CHMP1A: variants seen among roughly 807,000 people sequenced by gnomAD.
CHMP1A encodes the protein VPS46 homolog A.
CHMP1A carries 17 observed loss-of-function variants against 27.0 expected under a neutral mutation model. That is an observed-to-expected ratio of 0.63 (90% CI 0.43 to 0.95). CHMP1A has a LOEUF of 0.95. Among genes scored for constraint, CHMP1A ranks in the 40% least tolerant of loss-of-function variants. The pLI is 0.00. For synonymous variants in CHMP1A, 131 were observed against 107.5 expected (o/e 1.22, Z -1.35); for missense variants, 275 against 264.0 (o/e 1.04, Z -0.29).
Position 89,653,910 on chromosome 16 carries a change from C to G in CHMP1A, c.21G>C (p.Gln7His), listed in dbSNP as rs1457918312. 6.2e-7 allele frequency: 1 copy of G among 1,613,704 alleles called. No individual in the cohort carries two copies. ...ACGGCCATTCGGTACATACCTTCAA[C>G]TGGAACAGGGTATCTGCAAAGAAAG... MDDTLF[Q>H]LKFTAKQLEK... is the part of the protein sequence containing the mutation. Residue 7 changes from glutamine to histidine, a missense_variant, in exon 2 of 7, where the codon CAG becomes CAC. By Grantham distance (24) the Gln-to-His change is conservative. Coordinates refer to ENST00000397901, the MANE Select transcript of CHMP1A (RefSeq NM_002768.5).
intron 3 of CHMP1A, chr16:89,649,710 G>T (rs535902055): frequency 5.8e-5 from 31 of 537,560 alleles, no homozygotes; most frequent in Non-Finnish European, 9.0e-5. Flanking sequence ...CGAGTAGTTG[G>T]GACTACAGGC....
At chr16:89,656,885 G>A (rs1222340419) in intron 1 of CHMP1A, among the ~76,000 whole-genome samples, 2 of 152,274 alleles carry the variant, frequency 1.3e-5, no homozygotes, top group South Asian at 2.1e-4. Flanking sequence ...AGGGGCGGGG[G>A]AAAGGGTCCT....
At position 89,647,108 on chromosome 16, in the gene CHMP1A, G is replaced by C. The variant is rs978854326; in HGVS notation, c.381+95C>G. 4 of 1,545,214 alleles carry C rather than the reference G, an allele frequency of 2.6e-6. No homozygotes were observed. In the African/African-American group the frequency reaches 5.5e-5, roughly 21 times the overall value. ...CAGGGAGCAACCACAGGTATGCAGA[G>C]ACAGCACGTCAGCCTGTGAGCCACC... On this transcript the variant is annotated intron_variant, in intron 5 of 6. Coordinates refer to ENST00000397901, the MANE Select transcript of CHMP1A (RefSeq NM_002768.5).
At chr16:89,653,301 G>A (rs539484490) in intron 2 of CHMP1A, among the ~76,000 whole-genome samples, 67 of 140,210 alleles carry the variant, frequency 4.8e-4, no homozygotes, top group African/African-American at 1.7e-3. Flanking sequence ...GAGCCACCGC[G>A]CCTGGCCCCA....
rs192607697 is a variant in CHMP1A, at chr16:89,652,096, G to A, written c.28-450C>T. ...AAAACACACCTGAAAGTGTTATCTC[G>A]AGAGAATGCTGTGGATGCAGGAGGT... On this transcript the variant is annotated intron_variant, in intron 2 of 6. Coordinates refer to ENST00000397901, the MANE Select transcript of CHMP1A (RefSeq NM_002768.5). Among the ~76,000 whole-genome samples the A allele has an allele frequency of 2.6e-4, 40 of 152,360 alleles. No individual in the cohort carries two copies. The East Asian group carries it at 6.0e-3, about 23-fold the overall frequency.
At chr16:89,651,488 A>C in intron 3 of CHMP1A, 81 bp downstream of exon 3, 1 of 1,387,102 alleles carries the variant, frequency 7.2e-7, no homozygotes. Flanking sequence ...CATCAAAACA[A>C]AACAGGACAC....
chr16:89,656,159 C>T (rs572017300), intron 1 of CHMP1A, among the ~76,000 whole-genome samples: 12 of 152,288 alleles, frequency 7.9e-5, no homozygotes, highest in South Asian at 2.1e-4. Flanking sequence ...TTTTTTGAGA[C>T]GGAGTCTCGC....
intron 5 of CHMP1A, 171 bp from the exon 6 acceptor site, chr16:89,646,885 C>A: frequency 2.0e-6 from 1 of 512,690 alleles, no homozygotes; most frequent in Admixed American, 2.6e-5. Context: ...GCCTTTCCTG[C>A]CCCCCCACCC....
chr16:89,650,664 G>A (rs1325823020), intron 3 of CHMP1A, among the ~76,000 whole-genome samples: 2 of 152,076 alleles, frequency 1.3e-5, no homozygotes, highest in Non-Finnish European at 2.9e-5. Flanking sequence ...AAATTAGCCA[G>A]GTGTGGTGGC....
At chr16:89,651,723 C>G in intron 2 of CHMP1A, 77 bp from the exon 3 acceptor site, 1 of 1,419,464 alleles carries the variant, frequency 7.0e-7, no homozygotes. Flanking sequence ...ACCCCCACAC[C>G]TGTGCCCACA....
intron 2 of CHMP1A, among the ~76,000 whole-genome samples, chr16:89,651,946 G>A (rs756343231): frequency 2.6e-5 from 4 of 152,190 alleles, no homozygotes; most frequent in South Asian, 2.1e-4. Context: ...CCTCCAGAGC[G>A]GAAGGGTCAA....
chr16:89,646,516 A>T lies in CHMP1A; in HGVS notation c.569+11T>A, dbSNP rs1480813556. 2.6e-6 allele frequency: 4 copies of T among 1,563,690 alleles called. No individual in the cohort carries two copies. Among genetic ancestry groups the T allele is most frequent in the African/African-American group, 1.4e-5 (1 of 73,750 alleles). On this transcript the variant is annotated intron_variant, in intron 6 of 6. Transcript: ENST00000397901. ...GGGTTGGTGACACAGCGTTTCGGGG[A>T]CCGACCCTACCTCCGTGACAGCTGG...
Position 89,651,595 on chromosome 16 carries a change from T to G in CHMP1A, c.79A>C (p.Lys27Gln). ...KLAKKAEKDS[K>Q]AEQAKVKKAL... ...TTCTTCACTTTGGCCTGCTCCGCCT[T>G]GGAGTCCTTCTCCGCCTTCTTGGCC... is the stretch of plus-strand genomic sequence containing the variant. The change falls in exon 3 of 7, where the codon AAG becomes CAG. Residue 27 changes from lysine (K) to glutamine (Q), a missense_variant. Transcript: ENST00000397901. 1 of 1,613,782 alleles carries G rather than the reference T, an allele frequency of 6.2e-7. No individual in the cohort carries two copies. Among genetic ancestry groups the G allele is most frequent in the Non-Finnish European group, 8.5e-7 (1 of 1,179,842 alleles).
At chr16:89,653,027 T>C (rs1329611384) in intron 2 of CHMP1A, among the ~76,000 whole-genome samples, 5 of 142,718 alleles carry the variant, frequency 3.5e-5, no homozygotes, top group South Asian at 2.3e-4. Context: ...TTTCTTTTTT[T>C]TTTTTTTTTT....
intron 1 of CHMP1A, 98 bp from the exon 2 acceptor site, chr16:89,654,021 C>T: frequency 7.9e-7 from 1 of 1,268,510 alleles, no homozygotes; most frequent in Non-Finnish European, 1.2e-6. Flanking sequence ...ACACCAGGAG[C>T]TAGAACACAC....
chr16:89,649,545 GC>G, intron 3 of CHMP1A, 48 bp from the exon 4 acceptor site: 2 of 1,607,296 alleles, frequency 1.2e-6, no homozygotes, highest in Non-Finnish European at 1.7e-6. Flanking sequence ...TGGTGTGTGT[GC>G]CCCCTGCTAG....
intron 6 of CHMP1A, 135 bp downstream of exon 6, chr16:89,646,392 T>C: frequency 1.9e-6 from 2 of 1,050,396 alleles, no homozygotes; most frequent in Non-Finnish European, 2.7e-6. Flanking sequence ...CTGGGGCCTC[T>C]GAGTCGAGAT....
At position 89,645,947 on chromosome 16, in the gene CHMP1A, C is replaced by T. The variant is rs773717647; in HGVS notation, c.*119G>A. ...ACGCAGGCCTGGCAGGTGAGAGACG[C>T]AGAGTGGCTGCCGGCCGCAGCCCCG... On this transcript the variant is annotated 3_prime_UTR_variant, in exon 7 of 7. Transcript: ENST00000397901. 7 of 1,611,548 alleles carry T rather than the reference C, an allele frequency of 4.3e-6. No individual in the cohort carries two copies. The East Asian group carries it at 1.1e-4, about 26-fold the overall frequency.
In CHMP1A at chr16:89,649,599, G is replaced by A. The variant is rs146429852; in HGVS notation, c.106-102C>T. The A allele has an allele frequency of 6.1e-4, 857 of 1,414,414 alleles. 3 individuals carry two copies. The African/African-American group carries it at 0.01, about 17-fold the overall frequency. 87.6% of individuals were successfully genotyped at this position (1,414,414 alleles called of 1,614,324 possible). A position where few individuals can be genotyped will look rare whatever the true frequency, so the allele number is the denominator to read the frequency against. ...TGTTTTGTTTTGTTTTGTTTGAGAC[G>A]GAGTCTTGCTCTGTTGCCCAGGCTG... is the stretch of plus-strand genomic sequence containing the variant. On this transcript the variant is annotated intron_variant, in intron 3 of 6. Transcript: ENST00000397901.
Sources: allele counts gnomAD v4.1 joint callset (sites outside exome capture counted in the v4.1 genomes callset), GRCh38; gene constraint gnomAD v4.1.1; transcripts MANE v1.5; gene names NCBI Gene and HGNC (gene_info 2026-07-23, HGNC 2026-07-21).